Variants in NDE1 observed in about 807,000 individuals in gnomAD.
The protein encoded by NDE1 is nuclear distribution protein nudE homolog 1.
Under a neutral mutation model 43.4 loss-of-function variants are expected in NDE1, and 28 were observed. That is an observed-to-expected ratio of 0.65 (90% CI 0.48 to 0.89). The LOEUF is 0.89. Among genes scored for constraint, NDE1 ranks in the 40% least tolerant of loss-of-function variants. The probability of loss-of-function intolerance (pLI) is 0.00; values close to 1 mark genes in which losing one functional copy is unlikely to be tolerated. For missense variants in NDE1, 441 were observed against 434.1 expected, an observed-to-expected ratio of 1.02 and a Z score of -0.14; for synonymous variants, 184 against 172.0, an observed-to-expected ratio of 1.07 and a Z score of -0.55.
chr16:15,680,699 C>G (rs980995247), intron 4 of NDE1, among the ~76,000 whole-genome samples: 1 of 152,094 alleles, frequency 6.6e-6, no homozygotes, highest in Non-Finnish European at 1.5e-5. Flanking sequence ...CCCACCACGC[C>G]TGGCTAATTT....
In NDE1 at chr16:15,703,911, T is replaced by C. The variant is rs1245457654; in HGVS notation, c.947+7051T>C. ...CAGTCTGCTGGGTTTTGCTTTGTTC[T>C]GGGTTGTTGTTGGGTTTTTTTTGTT... On this transcript the variant is annotated intron_variant, in intron 8 of 8. Transcript: ENST00000396354. 2.5e-6 allele frequency: 4 copies of C among 1,594,564 alleles called. No homozygotes were observed. The South Asian group carries it at 4.4e-5, about 18-fold the overall frequency.
At chr16:15,693,428 C>G (rs1342492396) in intron 6 of NDE1, among the ~76,000 whole-genome samples, 1 of 152,184 alleles carries the variant, frequency 6.6e-6, no homozygotes, top group Non-Finnish European at 1.5e-5. Context: ...GTTCTTGTAT[C>G]TATCACAGAT....
chr16:15,721,512 C>T (rs2040482742), intron 8 of NDE1: 3 of 1,614,082 alleles, frequency 1.9e-6, no homozygotes, highest in Non-Finnish European at 2.5e-6. Context: ...CTTTGGCTTC[C>T]AAGGCCTCTT....
chr16:15,672,822 T>G (rs2037665038), intron 3 of NDE1: 1 of 152,170 alleles, frequency 6.6e-6, no homozygotes, highest in Non-Finnish European at 1.5e-5. Flanking sequence ...AAATAAAGGG[T>G]GTGAGGCGAT....
At chr16:15,703,582 T>C in intron 8 of NDE1, 2 of 372,784 alleles carry the variant, frequency 5.4e-6, no homozygotes, top group Admixed American at 4.3e-5. Context: ...AATACAGGGG[T>C]AGTAGGGGTG....
intron 1 of NDE1, among the ~76,000 whole-genome samples, chr16:15,653,965 A>G (rs1679513992): frequency 1.3e-5 from 2 of 152,138 alleles, no homozygotes; most frequent in South Asian, 4.2e-4. Flanking sequence ...TGCTGACCTC[A>G]GGTGATCTGC....
intron 8 of NDE1, among the ~76,000 whole-genome samples, chr16:15,702,310 T>G (rs1171802342): frequency 1.3e-5 from 2 of 152,208 alleles, no homozygotes; most frequent in Admixed American, 1.3e-4. Flanking sequence ...TTATTATGTT[T>G]TTAAGGGTTG....
intron 6 of NDE1, among the ~76,000 whole-genome samples, chr16:15,693,438 T>C (rs1177354369): frequency 2.6e-5 from 4 of 152,198 alleles, no homozygotes; most frequent in Non-Finnish European, 2.9e-5. Context: ...CTATCACAGA[T>C]GCCATTATGT....
chr16:15,719,617 T>C (rs1410534520), intron 8 of NDE1: 3 of 1,614,054 alleles, frequency 1.9e-6, no homozygotes, highest in African/African-American at 1.3e-5. Flanking sequence ...GCTTCCAAGC[T>C]CTTGGCTTTC....
At chr16:15,690,401 C>T (rs1447328614) in intron 5 of NDE1, among the ~76,000 whole-genome samples, 2 of 110,794 alleles carry the variant, frequency 1.8e-5, no homozygotes, top group South Asian at 6.6e-4. Flanking sequence ...GTCTCACTCT[C>T]GCCCAGGCTG....
intron 8 of NDE1, chr16:15,701,504 T>G (rs905701864): frequency 2.0e-5 from 3 of 152,126 alleles, no homozygotes; most frequent in Non-Finnish European, 4.4e-5. Flanking sequence ...CAGGACTTCA[T>G]TCAAAGGCAT....
intron 3 of NDE1, among the ~76,000 whole-genome samples, chr16:15,669,086 G>A (rs981305658): frequency 6.6e-6 from 1 of 150,596 alleles, no homozygotes; most frequent in African/African-American, 2.5e-5. Flanking sequence ...ATTTTTAGTA[G>A]AAACGGGGTT....
chr16:15,724,236 G>A lies in NDE1; in HGVS notation c.993G>A (p.Ser331=), dbSNP rs1171298608. ...GGTTGTCCAAATCAACAACCAGGTC[G>A]TCCAGCTCCTGCTGAAGCCTGTTCT... The part of the protein sequence containing the change: ...CRWLSKSTTR[S]SSSC The change falls in exon 9 of 9, where the codon TCG becomes TCA. Residue 331 remains serine (S), a synonymous_variant. Coordinates refer to ENST00000396354, the MANE Select transcript of NDE1 (RefSeq NM_017668.3). 4 of 1,614,074 alleles carry A rather than the reference G, an allele frequency of 2.5e-6. No homozygotes were observed. The highest frequency in any genetic ancestry group is 3.4e-6 in the Non-Finnish European group (4 of 1,180,054).
intron 8 of NDE1, among the ~76,000 whole-genome samples, chr16:15,715,980 A>T (rs1046125505): frequency 6.6e-6 from 1 of 152,050 alleles, no homozygotes; most frequent in Non-Finnish European, 1.5e-5. Flanking sequence ...TACAATTACA[A>T]GCTGGGTACA....
chr16:15,674,552 CTT>C (rs1434050310), intron 3 of NDE1, among the ~76,000 whole-genome samples: 1 of 152,064 alleles, frequency 6.6e-6, no homozygotes, highest in Non-Finnish European at 1.5e-5. Flanking sequence ...CCCGGCCTGT[CTT>C]TGTTTTTAAA....
chr16:15,718,759 A>T (rs1229556500), intron 8 of NDE1: 1 of 467,062 alleles, frequency 2.1e-6, no homozygotes, highest in East Asian at 4.1e-5. Context: ...CAGGCATGAA[A>T]GCGCTGACGG....
intron 6 of NDE1, among the ~76,000 whole-genome samples, chr16:15,693,243 G>C (rs1354941774): frequency 2.0e-5 from 3 of 152,132 alleles, no homozygotes; most frequent in Non-Finnish European, 2.9e-5. Context: ...GACCTCAACT[G>C]ATCGAACTGC....
intron 3 of NDE1, among the ~76,000 whole-genome samples, chr16:15,668,866 G>A (rs1218536124): frequency 2.0e-5 from 3 of 152,080 alleles, no homozygotes; most frequent in Non-Finnish European, 4.4e-5. Flanking sequence ...CCTCCGTTGG[G>A]AGGGACTGAG....
rs574643732 is a variant in NDE1, at chr16:15,691,183, A to T, written c.563A>T (p.Lys188Ile). ...CTGGCCGTGCAGCAGAAGCAGGAGA[A>T]ACCCAGGACCCCCATGCCCAGCTCA... is the stretch of plus-strand genomic sequence containing the variant. ...QELAVQQKQEKPRTPMPSSVE... is the reference protein window; with the variant it reads ...QELAVQQKQEIPRTPMPSSVE... Residue 188 changes from lysine (K) to isoleucine (I), a missense_variant, in exon 6 of 9, where the codon AAA becomes ATA. Lys to Ile is a moderately radical substitution (Grantham distance 102). Coordinates refer to ENST00000396354, the MANE Select transcript of NDE1 (RefSeq NM_017668.3). The T allele has an allele frequency of 5.0e-6, 8 of 1,614,144 alleles. No individual in the cohort carries two copies. In the South Asian group the frequency reaches 7.7e-5, roughly 16 times the overall value.
Sources: allele counts gnomAD v4.1 joint callset (sites outside exome capture counted in the v4.1 genomes callset), GRCh38; gene constraint gnomAD v4.1.1; transcripts MANE v1.5; gene names NCBI Gene and HGNC (gene_info 2026-07-23, HGNC 2026-07-21).